TAF2: variants seen among roughly 807,000 people sequenced by gnomAD.
TAF2 encodes TATA-box binding protein associated factor 2.
TAF2 carries 61 observed loss-of-function variants against 138.5 expected under a neutral mutation model. The observed-to-expected ratio is 0.44, with a 90% CI of 0.36 to 0.54. The LOEUF is 0.54. TAF2 is among the 20% of genes least tolerant of loss of function. The pLI is 0.00. For missense variants in TAF2, 1,090 were observed against 1,427.9 expected, an observed-to-expected ratio of 0.76 and a Z score of 3.81; for synonymous variants, 475 against 469.9, an observed-to-expected ratio of 1.01 and a Z score of -0.14.
intron 2 of TAF2, among the ~76,000 whole-genome samples, chr8:119,823,620 T>C (rs1383514860): frequency 1.3e-5 from 2 of 152,128 alleles, no homozygotes; most frequent in African/African-American, 4.8e-5. Flanking sequence ...CAGTCTCAGG[T>C]ATGTCTTTAT....
At chr8:119,783,058 T>C (rs576619955) in intron 16 of TAF2, among the ~76,000 whole-genome samples, 1 of 152,176 alleles carries the variant, frequency 6.6e-6, no homozygotes, top group South Asian at 2.1e-4. Flanking sequence ...ATGTAAAACA[T>C]CACTCAAACC....
chr8:119,822,050 G>GA (rs1189085821), intron 2 of TAF2, among the ~76,000 whole-genome samples: 1 of 151,840 alleles, frequency 6.6e-6, no homozygotes, highest in Admixed American at 6.6e-5. Flanking sequence ...AACTTACATG[G>GA]AAAACACTTA....
intron 14 of TAF2, among the ~76,000 whole-genome samples, chr8:119,786,398 G>A (rs535752446): frequency 3.3e-5 from 5 of 152,146 alleles, no homozygotes; most frequent in African/African-American, 1.2e-4. Context: ...AGACTAACAA[G>A]AATGAACCTA....
chr8:119,814,242 T>A (rs190283923), intron 3 of TAF2, among the ~76,000 whole-genome samples: 2 of 152,178 alleles, frequency 1.3e-5, no homozygotes, highest in Non-Finnish European at 2.9e-5. Context: ...AAATGAACTC[T>A]AATGTCCCTC....
intron 25 of TAF2, among the ~76,000 whole-genome samples, chr8:119,736,363 G>A (rs1292240535): frequency 6.6e-6 from 1 of 152,166 alleles, no homozygotes; most frequent in Non-Finnish European, 1.5e-5. Context: ...GCTAATTCCA[G>A]GTCTATGACA....
At chr8:119,770,662 A>C (rs1821766011) in intron 18 of TAF2, among the ~76,000 whole-genome samples, 1 of 152,238 alleles carries the variant, frequency 6.6e-6, no homozygotes, top group African/African-American at 2.4e-5. Context: ...GAAAGCTCAC[A>C]GATCCTATAA....
chr8:119,820,294 T>C lies in TAF2; in HGVS notation c.139-788A>G, dbSNP rs756938166. Among the ~76,000 whole-genome samples the C allele has an allele frequency of 4.6e-5, 7 of 152,100 alleles. No individual in the cohort carries two copies. In the South Asian group the frequency reaches 1.0e-3, roughly 23 times the overall value. Reference sequence around the variant, plus strand: ...ACATAAAACAAGGGACAGCATGAAATAGCAATATTTCAGGACTCCAACGTG... The same window carrying C: ...ACATAAAACAAGGGACAGCATGAAACAGCAATATTTCAGGACTCCAACGTG... On this transcript the variant is annotated intron_variant, in intron 2 of 25. Coordinates refer to ENST00000378164, the MANE Select transcript of TAF2 (RefSeq NM_003184.4).
At chr8:119,735,984 T>C (rs183900559) in intron 25 of TAF2, among the ~76,000 whole-genome samples, 2 of 152,326 alleles carry the variant, frequency 1.3e-5, no homozygotes, top group East Asian at 1.9e-4. Flanking sequence ...GTCTGCACTC[T>C]TGGGAGCTTG....
chr8:119,758,304 T>C (rs1362152780), intron 20 of TAF2, among the ~76,000 whole-genome samples, 162 bp from the exon 21 acceptor site: 2 of 152,224 alleles, frequency 1.3e-5, no homozygotes, highest in African/African-American at 4.8e-5. Context: ...TTTTATGCAA[T>C]GGCCACTTTG....
intron 2 of TAF2, among the ~76,000 whole-genome samples, chr8:119,822,329 C>T (rs919584922): frequency 6.6e-6 from 1 of 151,854 alleles, no homozygotes; most frequent in African/African-American, 2.4e-5. Flanking sequence ...TCAAGTGATC[C>T]TCCCACCTCA....
At chr8:119,819,085 T>A (rs895643500) in intron 3 of TAF2, among the ~76,000 whole-genome samples, 1 of 151,950 alleles carries the variant, frequency 6.6e-6, no homozygotes. Context: ...GTAAAAAAAA[T>A]GACTAAGAAA....
At chr8:119,779,402 A>T (rs1822487888) in intron 17 of TAF2, among the ~76,000 whole-genome samples, 1 of 152,162 alleles carries the variant, frequency 6.6e-6, no homozygotes. Context: ...TGATTTCATG[A>T]TCCCTTCACT....
intron 9 of TAF2, among the ~76,000 whole-genome samples, chr8:119,794,381 G>C (rs866135275): frequency 6.8e-6 from 1 of 146,748 alleles, no homozygotes. Context: ...GAGCAACAGA[G>C]TGAGACTCCG....
intron 10 of TAF2, 121 bp downstream of exon 10, chr8:119,793,245 T>G (rs978143025): frequency 3.9e-6 from 3 of 772,184 alleles, no homozygotes; most frequent in Non-Finnish European, 6.4e-6. Context: ...TAGCAAAGAA[T>G]AGCAATAAGA....
chr8:119,785,738 C>T (rs1044350070), intron 14 of TAF2, among the ~76,000 whole-genome samples: 5 of 152,012 alleles, frequency 3.3e-5, no homozygotes, highest in African/African-American at 1.2e-4. Context: ...AATTAATACG[C>T]ACAAGGTTCA....
At chr8:119,735,424 G>T (rs2130971236) in intron 25 of TAF2, among the ~76,000 whole-genome samples, 1 of 152,282 alleles carries the variant, frequency 6.6e-6, no homozygotes. Flanking sequence ...GAGGAGAGAA[G>T]AATAATGCAC....
chr8:119,744,513 A>C, intron 23 of TAF2, 120 bp from the exon 24 acceptor site: 3 of 816,046 alleles, frequency 3.7e-6, no homozygotes, highest in Non-Finnish European at 6.2e-6. Context: ...ATAATCTTAA[A>C]ATAAAAAGTA....
chr8:119,806,584 C>A (rs531095950), intron 3 of TAF2, among the ~76,000 whole-genome samples, 183 bp from the exon 4 acceptor site: 2 of 151,792 alleles, frequency 1.3e-5, no homozygotes, highest in Admixed American at 1.3e-4. Flanking sequence ...TCTCATCCCT[C>A]AGCCTCCCGA....
At chr8:119,802,874 C>T (rs1369305108) in intron 5 of TAF2, among the ~76,000 whole-genome samples, 5 of 152,090 alleles carry the variant, frequency 3.3e-5, no homozygotes, top group African/African-American at 2.4e-5. Flanking sequence ...TTGCATGAGC[C>T]GAGATTGCGC....
Sources: allele counts gnomAD v4.1 joint callset (sites outside exome capture counted in the v4.1 genomes callset), GRCh38; gene constraint gnomAD v4.1.1; transcripts MANE v1.5; gene names NCBI Gene and HGNC (gene_info 2026-07-23, HGNC 2026-07-21).